The following KLHL1 variants were observed in gnomAD, a reference collection of about 807,000 sequenced individuals.
KLHL1 encodes kelch like family member 1, also known as kelch-like protein 1.
In KLHL1, 47 loss-of-function variants were observed where a neutral mutation model predicts 77.7. That is an observed-to-expected ratio of 0.60 (90% CI 0.48 to 0.77). The LOEUF (loss-of-function observed/expected upper bound fraction) is 0.77, where lower values mean the gene tolerates loss of function less well. KLHL1 is among the 30% of genes least tolerant of loss of function. KLHL1 has a pLI of 0.00. For missense variants in KLHL1, 925 were observed against 910.8 expected (o/e 1.02, Z -0.20); for synonymous variants, 360 against 325.2 (o/e 1.11, Z -1.15).
intron 5 of KLHL1, among the ~76,000 whole-genome samples, chr13:69,839,378 T>C (rs1342665294): frequency 6.6e-6 from 1 of 151,878 alleles, no homozygotes; most frequent in East Asian, 1.9e-4. Context: ...CAATATTATT[T>C]ATCATTTTAC....
At chr13:69,931,972 T>C (rs897313327) in intron 4 of KLHL1, among the ~76,000 whole-genome samples, 25 of 151,846 alleles carry the variant, frequency 1.6e-4, no homozygotes, top group South Asian at 8.3e-4. Context: ...TTTTAAATTA[T>C]TGTAGGATGC....
Position 69,987,161 on chromosome 13 carries a change from C to G in KLHL1, c.498-11359G>C, listed in dbSNP as rs557476577. The stretch of plus-strand genomic sequence containing the variant: ...AACACATTTGCTCTACTCAAGTTCA[C>G]CATTCGCAATGTATCTCTGACTACA... On this transcript the variant is annotated intron_variant, in intron 1 of 10. Coordinates refer to ENST00000377844, the MANE Select transcript of KLHL1 (RefSeq NM_020866.3). Among the ~76,000 whole-genome samples, 273 of 152,040 alleles carry G rather than the reference C, an allele frequency of 1.8e-3. 1 individual carries two copies. The highest frequency in any genetic ancestry group is 3.2e-3 in the Non-Finnish European group (220 of 67,900).
intron 1 of KLHL1, among the ~76,000 whole-genome samples, chr13:69,993,709 T>C (rs1190750580): frequency 6.6e-6 from 1 of 152,092 alleles, no homozygotes; most frequent in East Asian, 1.9e-4. Flanking sequence ...TGCCTTATTA[T>C]TTAATTTGTT....
At chr13:69,897,673 C>CCT (rs1281167492) in intron 4 of KLHL1, among the ~76,000 whole-genome samples, 2 of 152,108 alleles carry the variant, frequency 1.3e-5, no homozygotes, top group African/African-American at 4.8e-5. Context: ...GACATGAACA[C>CCT]CTGATACCCT....
intron 4 of KLHL1, among the ~76,000 whole-genome samples, chr13:69,928,143 G>A (rs986048754): frequency 6.6e-6 from 1 of 152,170 alleles, no homozygotes; most frequent in African/African-American, 2.4e-5. Flanking sequence ...TTTAAGAATT[G>A]CTTAAGATGT....
At chr13:69,926,278 C>G (rs1364099348) in intron 4 of KLHL1, among the ~76,000 whole-genome samples, 1 of 151,998 alleles carries the variant, frequency 6.6e-6, no homozygotes, top group Non-Finnish European at 1.5e-5. Flanking sequence ...ATGGGAAATT[C>G]AAGGATTATT....
At chr13:69,824,760 TTGAC>T (rs1878478433) in intron 6 of KLHL1, among the ~76,000 whole-genome samples, 1 of 152,020 alleles carries the variant, frequency 6.6e-6, no homozygotes, top group Non-Finnish European at 1.5e-5. Flanking sequence ...GAAGGTGAAA[TTGAC>T]TGGGAAGGAA....
chr13:69,968,423 C>A (rs1459789728), intron 2 of KLHL1, among the ~76,000 whole-genome samples: 1 of 149,602 alleles, frequency 6.7e-6, no homozygotes, highest in African/African-American at 2.5e-5. Context: ...GCGATAGTCA[C>A]TTCATTATGG....
chr13:69,796,559 A>T (rs1877115123), intron 7 of KLHL1, among the ~76,000 whole-genome samples, 179 bp downstream of exon 7: 1 of 152,202 alleles, frequency 6.6e-6, no homozygotes. Context: ...CTAAAGGCCT[A>T]ATATTCCAGC....
chr13:70,064,497 C>T (rs1024881470), intron 1 of KLHL1, among the ~76,000 whole-genome samples: 1 of 152,110 alleles, frequency 6.6e-6, no homozygotes, highest in African/African-American at 2.4e-5. Flanking sequence ...TATAACTTGT[C>T]ATTCAAAAGC....
intron 6 of KLHL1, among the ~76,000 whole-genome samples, chr13:69,809,003 G>GA (rs1001159283): frequency 1.2e-3 from 163 of 134,034 alleles, no homozygotes; most frequent in African/African-American, 4.6e-3. Flanking sequence ...TACCTAGTCA[G>GA]AAAAAAATAA....
chr13:69,803,681 C>T (rs1304291726), intron 6 of KLHL1, among the ~76,000 whole-genome samples: 3 of 152,100 alleles, frequency 2.0e-5, no homozygotes, highest in Non-Finnish European at 4.4e-5. Context: ...GAGCTTTCTC[C>T]AGTTAGTGGT....
chr13:70,042,144 A>G (rs574269102), intron 1 of KLHL1, among the ~76,000 whole-genome samples: 11 of 151,968 alleles, frequency 7.2e-5, no homozygotes, highest in Non-Finnish European at 1.0e-4. Flanking sequence ...GTAGTTTGGG[A>G]TATATAAGGA....
chr13:70,011,776 T>A (rs1885538469), intron 1 of KLHL1, among the ~76,000 whole-genome samples: 2 of 152,226 alleles, frequency 1.3e-5, no homozygotes, highest in African/African-American at 4.8e-5. Flanking sequence ...AAATATTTGT[T>A]ACTCTATTCA....
intron 1 of KLHL1, among the ~76,000 whole-genome samples, chr13:70,046,574 G>A (rs1271903926): frequency 1.3e-5 from 2 of 152,124 alleles, no homozygotes; most frequent in African/African-American, 4.8e-5. Flanking sequence ...TGCAACCTGC[G>A]CCTCCCAGGC....
intron 8 of KLHL1, among the ~76,000 whole-genome samples, chr13:69,737,244 G>A (rs1317770333): frequency 6.6e-6 from 1 of 152,248 alleles, no homozygotes; most frequent in Non-Finnish European, 1.5e-5. Context: ...GCACAAAGCT[G>A]TGCAGACTCA....
Position 70,105,234 on chromosome 13 carries a change from A to G in KLHL1, c.497+1969T>C, listed in dbSNP as rs550652977. On this transcript the variant is annotated intron_variant, in intron 1 of 10. Coordinates refer to ENST00000377844, the MANE Select transcript of KLHL1 (RefSeq NM_020866.3). ...TCTTTGTGAATAAAAATAATAAACTATTTTCAAAAGTAAGAAACTTGTTAA... is the reference window on the plus strand; with the variant it reads ...TCTTTGTGAATAAAAATAATAAACTGTTTTCAAAAGTAAGAAACTTGTTAA... 2.6e-5 allele frequency among the ~76,000 whole-genome samples: 4 copies of G among 152,052 alleles called. 1 individual carries two copies. The highest frequency in any genetic ancestry group is 9.6e-5 in the African/African-American group (4 of 41,560).
chr13:69,788,104 G>A (rs865825098), intron 7 of KLHL1, among the ~76,000 whole-genome samples: 718 of 151,994 alleles, frequency 4.7e-3, no homozygotes, highest in African/African-American at 0.014. Context: ...ACAGTGTGGC[G>A]ATTCCTCAGG....
chr13:69,777,592 C>G (rs1162626398), intron 7 of KLHL1, among the ~76,000 whole-genome samples: 1 of 152,112 alleles, frequency 6.6e-6, no homozygotes, highest in African/African-American at 2.4e-5. Context: ...ATGCTATCTT[C>G]CCTTTCACAT....
Sources: gnomAD v4.1 joint callset for allele counts (sites outside exome capture counted in the v4.1 genomes callset) on GRCh38, gnomAD v4.1.1 for gene constraint, MANE v1.5 for transcripts, NCBI Gene and HGNC (gene_info 2026-07-23, HGNC 2026-07-21) for gene names.